Variants in ACTN1 observed in about 807,000 individuals in gnomAD.
ACTN1 encodes alpha-actinin-1.
Under a neutral mutation model 119.6 loss-of-function variants are expected in ACTN1, and 30 were observed. That is an observed-to-expected ratio of 0.25 (90% CI 0.19 to 0.34). ACTN1 has a LOEUF of 0.34. ACTN1 is among the 10% of genes least tolerant of loss of function. The pLI, the probability that ACTN1 is intolerant of heterozygous loss-of-function variation, is 1.00. For synonymous variants in ACTN1, 429 were observed against 472.6 expected (o/e 0.91, Z 1.20); for missense variants, 764 against 1,223.4 (o/e 0.62, Z 5.60).
At chr14:68,958,700 G>A (rs148410934) in intron 1 of ACTN1, among the ~76,000 whole-genome samples, 219 of 152,252 alleles carry the variant, frequency 1.4e-3, no homozygotes, top group African/African-American at 4.9e-3. Flanking sequence ...CATTATCTAC[G>A]ATAGGCCAAA....
intron 1 of ACTN1, among the ~76,000 whole-genome samples, chr14:68,961,038 C>T (rs2036519583): frequency 6.6e-6 from 1 of 152,128 alleles, no homozygotes; most frequent in Admixed American, 6.6e-5. Flanking sequence ...CCACTGCACG[C>T]CAGCCTGGGT....
chr14:68,885,400 G>A lies in ACTN1; in HGVS notation c.1385+25C>T, dbSNP rs1270390138. 3.1e-6 allele frequency: 5 copies of A among 1,601,254 alleles called. No homozygotes were observed. Among genetic ancestry groups the A allele is most frequent in the Non-Finnish European group, 4.3e-6 (5 of 1,172,598 alleles). On this transcript the variant is annotated intron_variant, in intron 12 of 21. Transcript: ENST00000394419. This position sits in a 1 kb window ranked among gnomAD's most constrained non-coding sequence, Gnocchi z 5.6. ...GCCCAGCCTCAGCCCCTCACCACAGGGTAGGGGTGTCTGGGGCCACCTACT... is the reference window on the plus strand; with the variant it reads ...GCCCAGCCTCAGCCCCTCACCACAGAGTAGGGGTGTCTGGGGCCACCTACT...
At chr14:68,881,955 T>TA (rs58500225) in intron 16 of ACTN1, among the ~76,000 whole-genome samples, 1 of 103,000 alleles carries the variant, frequency 9.7e-6, no homozygotes, top group African/African-American at 4.4e-5. Context: ...TTTTTTTTTT[T>TA]GACAGAGTCT....
chr14:68,948,542 C>T (rs553897824), intron 1 of ACTN1, among the ~76,000 whole-genome samples: 14 of 152,180 alleles, frequency 9.2e-5, no homozygotes, highest in African/African-American at 3.4e-4. Flanking sequence ...TGCACCGCTG[C>T]ACTCCAGCCT....
rs1233547082 is a variant in ACTN1, at chr14:68,909,914, C to G, written c.515+41G>C. The G allele has an allele frequency of 6.3e-7, 1 of 1,582,830 alleles. No individual in the cohort carries two copies. On this transcript the variant is annotated intron_variant, in intron 5 of 21. Transcript: ENST00000394419. This position sits in a 1 kb window ranked among gnomAD's most constrained non-coding sequence, Gnocchi z 4.1. Reference sequence around the variant, plus strand: ...GGGGTCTGGGAGCTCCCGGGGGAGGCAGCCTGGTTCTGTGAGAGCCCCTCA... The same window carrying G: ...GGGGTCTGGGAGCTCCCGGGGGAGGGAGCCTGGTTCTGTGAGAGCCCCTCA...
At chr14:68,961,540 C>T (rs1029447956) in intron 1 of ACTN1, among the ~76,000 whole-genome samples, 1 of 152,174 alleles carries the variant, frequency 6.6e-6, no homozygotes, top group Non-Finnish European at 1.5e-5. Flanking sequence ...TCACAGGCCG[C>T]CACACGGGGC....
chr14:68,909,148 C>T lies in ACTN1; in HGVS notation c.594+170G>A, dbSNP rs1418466219. Among the ~76,000 whole-genome samples the T allele has an allele frequency of 6.6e-6, 1 of 152,212 alleles. No individual in the cohort carries two copies. Among genetic ancestry groups the T allele is most frequent in the Non-Finnish European group, 1.5e-5 (1 of 68,040 alleles). On this transcript the variant is annotated intron_variant, in intron 6 of 21. Transcript: ENST00000394419. The surrounding 1 kb of genome is among the most constrained non-coding windows in gnomAD (Gnocchi z 4.1). ...CACAAGGGTAATGAAGTTGCCCTAA[C>T]AGGGAAGGTGTTTTCTCTTCACTTT...
intron 8 of ACTN1, among the ~76,000 whole-genome samples, chr14:68,897,894 T>C (rs7153755): frequency 0.38 from 57,708 of 152,218 alleles, 12,006 homozygotes; most frequent in African/African-American, 0.56. Context: ...CCTCTCCTAC[T>C]GCAGGCTCCG....
intron 20 of ACTN1, chr14:68,877,992 A>AAGGGGGGACAGACTAGGAAGGTTGGGGG: frequency 6.3e-6 from 1 of 159,774 alleles, no homozygotes; most frequent in African/African-American, 2.5e-5. Context: ...ATGTCTGTGC[A>AAGGGGGGACAGACTAGGAAGGTTGGGGG]AGGGGGGACA....
At position 68,966,741 on chromosome 14, in the gene ACTN1, C is replaced by A. The variant is rs80335258; in HGVS notation, c.105+12211G>T. On this transcript the variant is annotated intron_variant, in intron 1 of 21. Coordinates refer to ENST00000394419, the MANE Select transcript of ACTN1 (RefSeq NM_001130004.2). ...GACAGTGGGCTGCTGACGTCCAACA[C>A]TCCAGAGAGAACCCTCAGCAGAGGG... is the stretch of plus-strand genomic sequence containing the variant. Among the ~76,000 whole-genome samples the A allele has an allele frequency of 6.0e-3, 913 of 152,274 alleles. 10 individuals are homozygous for A. The highest frequency in any genetic ancestry group is 0.02 in the African/African-American group (848 of 41,538).
rs80268793 is a variant in ACTN1 at position 68,936,883 on chromosome 14, C to G, written c.106-11211G>C. On this transcript the variant is annotated intron_variant, in intron 1 of 21. Coordinates refer to ENST00000394419, the MANE Select transcript of ACTN1 (RefSeq NM_001130004.2). ...TTCTTGTGATGCTCTCTGGGAAGCC[C>G]TCAATCCCCAGCCCTCATCCAGAGT... 1,026 of 575,466 alleles carry G rather than the reference C, an allele frequency of 1.8e-3. 11 individuals are homozygous for G. Among genetic ancestry groups the G allele is most frequent in the African/African-American group, 0.017 (934 of 53,378 alleles). 35.6% of individuals were successfully genotyped at this position (575,466 alleles called of 1,614,324 possible).
intron 11 of ACTN1, chr14:68,887,353 G>A: frequency 2.7e-6 from 1 of 373,912 alleles, no homozygotes; most frequent in Non-Finnish European, 4.9e-6. Flanking sequence ...TGATCAAAGA[G>A]TGGTTTTCTT....
rs2030561875 is a variant in ACTN1 at position 68,874,205 on chromosome 14, T to G, written c.*654A>C. Reference sequence around the variant, plus strand: ...CATACTCTCCAAGTTTGTCCTATTTTTAATAGACAATATTAAAAATTTTTT... The same window carrying G: ...CATACTCTCCAAGTTTGTCCTATTTGTAATAGACAATATTAAAAATTTTTT... On this transcript the variant is annotated 3_prime_UTR_variant, in exon 22 of 22. Transcript: ENST00000394419. 1 of 152,320 alleles carries G rather than the reference T, an allele frequency of 6.6e-6. No individual in the cohort carries two copies. The highest frequency in any genetic ancestry group is 2.4e-5 in the African/African-American group (1 of 41,444). The allele number at this position is 152,320 out of a possible 1,614,324, so 9.4% of individuals were successfully genotyped here. A position where few individuals can be genotyped will look rare whatever the true frequency, so the allele number is the denominator to read the frequency against.
At chr14:68,887,828 G>T in intron 11 of ACTN1, 1 of 857,112 alleles carries the variant, frequency 1.2e-6, no homozygotes, top group Non-Finnish European at 2.0e-6. Flanking sequence ...ATCAGAGGCT[G>T]GACTCTCCTC....
chr14:68,878,866 C>T lies in ACTN1; in HGVS notation c.2361+123G>A, dbSNP rs763898141. The T allele has an allele frequency of 1.7e-5, 27 of 1,596,058 alleles. No homozygotes were observed. Among genetic ancestry groups the T allele is most frequent in the Middle Eastern group, 3.3e-4 (2 of 6,044 alleles). On this transcript the variant is annotated intron_variant, in intron 19 of 21. Coordinates refer to ENST00000394419, the MANE Select transcript of ACTN1 (RefSeq NM_001130004.2). This position sits in a 1 kb window ranked among gnomAD's most constrained non-coding sequence, Gnocchi z 4.4. Reference sequence around the variant, plus strand: ...GGCAGACAGAGACAGCAGGAGAGGACGAGCCCCATGGCCCACAGGAGGGGG... The same window carrying T: ...GGCAGACAGAGACAGCAGGAGAGGATGAGCCCCATGGCCCACAGGAGGGGG...
At chr14:68,920,943 G>A in intron 3 of ACTN1, 63 bp downstream of exon 3, 1 of 1,593,704 alleles carries the variant, frequency 6.3e-7, no homozygotes, top group Non-Finnish European at 8.6e-7. Context: ...CACAAAAAAG[G>A]CCAAGAGAAC....
chr14:68,938,200 TCCA>T (rs2035614857), intron 1 of ACTN1, among the ~76,000 whole-genome samples: 4 of 152,098 alleles, frequency 2.6e-5, no homozygotes, highest in Non-Finnish European at 5.9e-5. Context: ...CGGGAACATC[TCCA>T]CCCAGATCTG....
At chr14:68,930,006 G>A (rs1035258164) in intron 1 of ACTN1, among the ~76,000 whole-genome samples, 1 of 152,258 alleles carries the variant, frequency 6.6e-6, no homozygotes, top group Non-Finnish European at 1.5e-5. Context: ...TCCACCTTCT[G>A]TACAGGTCTC....
chr14:68,876,606 G>T (rs1463209219), intron 21 of ACTN1, among the ~76,000 whole-genome samples: 2 of 152,156 alleles, frequency 1.3e-5, no homozygotes, highest in Non-Finnish European at 2.9e-5. Flanking sequence ...AGTGTTGCAG[G>T]GTACTTGGGA....
Sources: gnomAD v4.1 joint callset for allele counts (sites outside exome capture counted in the v4.1 genomes callset) on GRCh38, gnomAD v4.1.1 for gene constraint, Gnocchi (gnomAD v3.1) non-coding constraint, MANE v1.5 for transcripts, NCBI Gene and HGNC (gene_info 2026-07-23, HGNC 2026-07-21) for gene names.